The following LRRIQ3 variants were observed in gnomAD, a reference collection of about 807,000 sequenced individuals.
LRRIQ3 encodes the protein leucine-rich repeat and IQ domain-containing protein 3.
Under a neutral mutation model 59.3 loss-of-function variants are expected in LRRIQ3, and 75 were observed. The ratio of observed to expected loss-of-function variants is 1.26; its 90% CI spans 1.05 to 1.53. The LOEUF is 1.53. Among genes scored for constraint, LRRIQ3 ranks in the 40% most tolerant of loss-of-function variants. The probability of loss-of-function intolerance (pLI) is 0.00; values close to 1 mark genes in which losing one functional copy is unlikely to be tolerated. For synonymous variants in LRRIQ3, 250 were observed against 231.3 expected, an observed-to-expected ratio of 1.08 and a Z score of -0.73; for missense variants, 831 against 710.0, an observed-to-expected ratio of 1.17 and a Z score of -1.94.
chr1:74,144,558 A>G (rs956043377), intron 4 of LRRIQ3: 1 of 295,954 alleles, frequency 3.4e-6, no homozygotes. Context: ...GTAAAAAAAA[A>G]AAAAAAAAAA....
At chr1:74,173,007 A>G (rs1375971849) in intron 3 of LRRIQ3, among the ~76,000 whole-genome samples, 1 of 152,136 alleles carries the variant, frequency 6.6e-6, no homozygotes. Context: ...TCGGTTTTTT[A>G]AAAATCCATT....
chr1:74,027,517 G>A (rs182752286), intron 7 of LRRIQ3, among the ~76,000 whole-genome samples: 1 of 152,156 alleles, frequency 6.6e-6, no homozygotes, highest in Non-Finnish European at 1.5e-5. Context: ...AGGCAAAGGT[G>A]GCCATCTGCA....
At chr1:74,097,013 G>C (rs902615254) in intron 5 of LRRIQ3, among the ~76,000 whole-genome samples, 13 of 152,210 alleles carry the variant, frequency 8.5e-5, no homozygotes, top group South Asian at 4.2e-4. Context: ...ACTTGAGGAG[G>C]CAGTCTGTCT....
intron 7 of LRRIQ3, among the ~76,000 whole-genome samples, chr1:74,030,362 A>G (rs1249183882): frequency 6.6e-6 from 1 of 152,132 alleles, no homozygotes; most frequent in Non-Finnish European, 1.5e-5. Context: ...TTCAAACTAT[A>G]CTACAAGGCT....
At chr1:74,137,107 T>C (rs1647136296) in intron 4 of LRRIQ3, among the ~76,000 whole-genome samples, 1 of 152,062 alleles carries the variant, frequency 6.6e-6, no homozygotes, top group Non-Finnish European at 1.5e-5. Flanking sequence ...ATAAAAATCA[T>C]ATATACCTAA....
intron 6 of LRRIQ3, among the ~76,000 whole-genome samples, chr1:74,060,188 TTTCTTCTTCTTCTTC>T (rs1322871460): frequency 9.0e-6 from 1 of 111,518 alleles, no homozygotes; most frequent in African/African-American, 3.2e-5. Flanking sequence ...TCTTCTTCTT[TTTCTTCTTCTTCTTC>T]TTCTTCTTCT....
At chr1:74,182,123 AATG>A (rs1478137964) in intron 3 of LRRIQ3, 1 of 152,008 alleles carries the variant, frequency 6.6e-6, no homozygotes, top group Non-Finnish European at 1.5e-5. Flanking sequence ...ATCAATAGAT[AATG>A]ATGGTTTTAT....
intron 5 of LRRIQ3, among the ~76,000 whole-genome samples, chr1:74,087,272 T>A (rs1646336093): frequency 3.3e-5 from 5 of 151,858 alleles, no homozygotes; most frequent in Admixed American, 2.6e-4. Flanking sequence ...TCCTTTCCAT[T>A]AACACATTTG....
At chr1:74,034,706 G>A (rs1218187223) in intron 7 of LRRIQ3, among the ~76,000 whole-genome samples, 2 of 151,240 alleles carry the variant, frequency 1.3e-5, no homozygotes, top group African/African-American at 4.9e-5. Context: ...AAATATGGAG[G>A]GGGAAATAAA....
chr1:74,132,760 C>G (rs1199736027), intron 4 of LRRIQ3, among the ~76,000 whole-genome samples: 4 of 152,008 alleles, frequency 2.6e-5, no homozygotes, highest in Admixed American at 6.6e-5. Context: ...CCATAAAAAC[C>G]CTAGAAGAAA....
At chr1:74,174,758 T>C (rs923775810) in intron 3 of LRRIQ3, among the ~76,000 whole-genome samples, 1 of 152,134 alleles carries the variant, frequency 6.6e-6, no homozygotes, top group Non-Finnish European at 1.5e-5. Context: ...TTCTTTAACA[T>C]CCCATTTTTT....
At position 74,107,566 on chromosome 1, in the gene LRRIQ3, GAAT is replaced by G. The variant is rs569416765; in HGVS notation, c.867+1825_867+1827del. Among the ~76,000 whole-genome samples, 295 of 149,162 alleles carry G rather than the reference GAAT, an allele frequency of 2.0e-3. 1 individual carries two copies. The highest frequency in any genetic ancestry group is 6.5e-3 in the African/African-American group (267 of 40,986). On this transcript the variant is annotated intron_variant, in intron 5 of 7. Transcript: ENST00000354431. ...TAAAAATAATACATAATGAATAAAAGAATAATATGTAATTATTATATAAATAAT... is the reference window on the plus strand; with the variant it reads ...TAAAAATAATACATAATGAATAAAAGAATATGTAATTATTATATAAATAAT...
At chr1:74,115,964 T>G (rs1294673649) in intron 4 of LRRIQ3, among the ~76,000 whole-genome samples, 1 of 151,870 alleles carries the variant, frequency 6.6e-6, no homozygotes, top group Admixed American at 6.6e-5. Flanking sequence ...TAATGTAAAA[T>G]AGAAAATCAA....
At chr1:74,175,129 G>T (rs770053182) in intron 3 of LRRIQ3, among the ~76,000 whole-genome samples, 1 of 152,204 alleles carries the variant, frequency 6.6e-6, no homozygotes, top group African/African-American at 2.4e-5. Flanking sequence ...GGTGAAGCCT[G>T]CTGACCAGCG....
chr1:74,170,054 T>C (rs1649226921), intron 3 of LRRIQ3, among the ~76,000 whole-genome samples: 2 of 152,292 alleles, frequency 1.3e-5, no homozygotes, highest in South Asian at 2.1e-4. Flanking sequence ...GGTATAAGAG[T>C]TCCTTATATA....
intron 4 of LRRIQ3, among the ~76,000 whole-genome samples, chr1:74,131,486 G>A (rs1647019340): frequency 2.0e-5 from 3 of 152,078 alleles, no homozygotes; most frequent in African/African-American, 4.8e-5. Flanking sequence ...ATAAAATACT[G>A]GCAAACCGAA....
At position 74,041,874 on chromosome 1, in the gene LRRIQ3, C is replaced by G. The variant is rs960956690; in HGVS notation, c.1057G>C (p.Val353Leu). 6.2e-7 allele frequency: 1 copy of G among 1,611,420 alleles called. No homozygotes were observed. Among genetic ancestry groups the G allele is most frequent in the Non-Finnish European group, 8.5e-7 (1 of 1,178,780 alleles). The change falls in exon 7 of 8, where the codon GTT becomes CTT. Residue 353 changes from valine to leucine, a missense_variant. Val to Leu is a conservative substitution (Grantham distance 32, BLOSUM62 1). Transcript: ENST00000354431. ...EKLDTSFRIS[V>L]FKLPIYTSGS... is the part of the protein sequence containing the mutation. ...GAAGTGTATATGGGTAGTTTGAAAA[C>G]TGATATCCTAAAACTGGTATCCAAT... is the stretch of plus-strand genomic sequence containing the variant.
At chr1:74,139,368 C>A (rs1647191149) in intron 4 of LRRIQ3, among the ~76,000 whole-genome samples, 1 of 151,654 alleles carries the variant, frequency 6.6e-6, no homozygotes, top group African/African-American at 2.4e-5. Context: ...GCTATCCATG[C>A]AATTGCATAC....
At chr1:74,070,203 A>C (rs894804172) in intron 6 of LRRIQ3, among the ~76,000 whole-genome samples, 48 of 152,110 alleles carry the variant, frequency 3.2e-4, no homozygotes, top group African/African-American at 1.1e-3. Flanking sequence ...CACTATTCTC[A>C]ATAGCAAAGA....
Sources: gnomAD v4.1 joint callset for allele counts (sites outside exome capture counted in the v4.1 genomes callset) on GRCh38, gnomAD v4.1.1 for gene constraint, MANE v1.5 for transcripts, NCBI Gene and HGNC (gene_info 2026-07-23, HGNC 2026-07-21) for gene names.